The following MARCKS variants were observed in gnomAD, a reference collection of about 807,000 sequenced individuals.
The protein encoded by MARCKS is myristoylated alanine rich protein kinase C substrate.
MARCKS carries 4 observed loss-of-function variants against 6.3 expected under a neutral mutation model. The ratio of observed to expected loss-of-function variants is 0.63; its 90% CI spans 0.31 to 1.45. MARCKS has a LOEUF of 1.45. Ranked by LOEUF, MARCKS falls within the 40% of genes most tolerant of loss-of-function variation. MARCKS has a pLI of 0.07. For missense variants in MARCKS, 636 were observed against 485.7 expected, an observed-to-expected ratio of 1.31 and a Z score of -2.91; for synonymous variants, 289 against 236.5, an observed-to-expected ratio of 1.22 and a Z score of -2.04.
intron 1 of MARCKS, 142 bp from the exon 2 acceptor site, chr6:113,859,540 TC>T: frequency 1.5e-6 from 1 of 659,608 alleles, no homozygotes; most frequent in Non-Finnish European, 2.2e-6. Flanking sequence ...CACCCGCGCC[TC>T]CCTCCCCACA....
In MARCKS at chr6:113,860,183, T is replaced by C; in HGVS notation, c.603T>C (p.Ala201=). ...AGGACGAGGCCGCCGGGGGCGCAGC[T>C]GCGGCCGCCGCCGAGGCGGGCGCGG... ...GGKDEAAGGA[A]AAAAEAGAAS... The change falls in exon 2 of 2, where the codon GCT becomes GCC. Residue 201 remains alanine (A), a synonymous_variant. Coordinates refer to ENST00000612661, the MANE Select transcript of MARCKS (RefSeq NM_002356.7). 8.2e-7 allele frequency: 1 copy of C among 1,214,924 alleles called. No homozygotes were observed. Among genetic ancestry groups the C allele is most frequent in the Non-Finnish European group, 1.0e-6 (1 of 968,518 alleles). 75.3% of individuals were successfully genotyped at this position (1,214,924 alleles called of 1,614,324 possible). A position where few individuals can be genotyped will look rare whatever the true frequency, so the allele number is the denominator to read the frequency against.
In MARCKS at chr6:113,863,450, A is replaced by G. The variant is rs974893130; in HGVS notation, c.*2871A>G. ...ATCCAATTCCTATTGCTTGTAAAAT[A>G]AAGTTTTACCAGTTGATATAATCAA... On this transcript the variant is annotated 3_prime_UTR_variant, in exon 2 of 2. Coordinates refer to ENST00000612661, the MANE Select transcript of MARCKS (RefSeq NM_002356.7). 4 of 152,186 alleles carry G rather than the reference A, an allele frequency of 2.6e-5. No homozygotes were observed. Among genetic ancestry groups the G allele is most frequent in the Non-Finnish European group, 5.9e-5 (4 of 68,006 alleles). The allele number at this position is 152,186 out of a possible 1,614,324, so 9.4% of individuals were successfully genotyped here. A position where few individuals can be genotyped will look rare whatever the true frequency, so the allele number is the denominator to read the frequency against.
Position 113,860,209 on chromosome 6 carries a change from C to T in MARCKS, c.629C>T (p.Ala210Val). The change falls in exon 2 of 2, where the codon GCC becomes GTC. Residue 210 changes from alanine (A) to valine (V), a missense_variant. By Grantham distance (64) the Ala-to-Val change is moderately conservative. Transcript: ENST00000612661. ...GCGGCCGCCGCCGAGGCGGGCGCGG[C>T]CTCCGGGGAGCAGGCAGCGGCGCCG... ...AAAAAAEAGAASGEQAAAPGE... is the reference protein window; with the variant it reads ...AAAAAAEAGAVSGEQAAAPGE... The T allele has an allele frequency of 9.0e-7, 1 of 1,111,642 alleles. No individual in the cohort carries two copies. Among genetic ancestry groups the T allele is most frequent in the Non-Finnish European group, 1.1e-6 (1 of 907,074 alleles). 68.9% of individuals were successfully genotyped at this position (1,111,642 alleles called of 1,614,324 possible). A position where few individuals can be genotyped will look rare whatever the true frequency, so the allele number is the denominator to read the frequency against.
chr6:113,857,365 G>C lies in MARCKS; in HGVS notation c.-381G>C, dbSNP rs1200484566. Reference sequence around the variant, plus strand: ...TCTGTGCACTTGGGCGTTGGACCCCGCATCTTATTAGCAACCAGGGAGATT... The same window carrying C: ...TCTGTGCACTTGGGCGTTGGACCCCCCATCTTATTAGCAACCAGGGAGATT... On this transcript the variant is annotated 5_prime_UTR_variant, in exon 1 of 2. Coordinates refer to ENST00000612661, the MANE Select transcript of MARCKS (RefSeq NM_002356.7). 4.8e-5 allele frequency: 10 copies of C among 207,234 alleles called. No homozygotes were observed. Among genetic ancestry groups the C allele is most frequent in the Non-Finnish European group, 8.8e-5 (9 of 102,438 alleles). The allele number at this position is 207,234 out of a possible 1,614,324, so 12.8% of individuals were successfully genotyped here. A position where few individuals can be genotyped will look rare whatever the true frequency, so the allele number is the denominator to read the frequency against.
Position 113,860,489 on chromosome 6 carries a change from C to A in MARCKS, c.909C>A (p.Ala303=). 1 of 1,497,858 alleles carries A rather than the reference C, an allele frequency of 6.7e-7. No individual in the cohort carries two copies. The highest frequency in any genetic ancestry group is 8.9e-7 in the Non-Finnish European group (1 of 1,121,380). 92.8% of individuals were successfully genotyped at this position (1,497,858 alleles called of 1,614,324 possible). Residue 303 remains alanine (A), a synonymous_variant, in exon 2 of 2, where the codon GCC becomes GCA. Transcript: ENST00000612661. ...QEAAPAEEPA[A]AAASSACAAP... ...CAGCCCCCGCGGAGGAGCCCGCGGC[C>A]GCCGCAGCCTCGTCAGCCTGCGCAG...
In MARCKS at chr6:113,859,834, C is replaced by A; in HGVS notation, c.254C>A (p.Ala85Asp). 7.7e-7 allele frequency: 1 copy of A among 1,291,244 alleles called. No individual in the cohort carries two copies. Among genetic ancestry groups the A allele is most frequent in the Non-Finnish European group, 9.8e-7 (1 of 1,021,614 alleles). 80.0% of individuals were successfully genotyped at this position (1,291,244 alleles called of 1,614,324 possible). A position where few individuals can be genotyped will look rare whatever the true frequency, so the allele number is the denominator to read the frequency against. The change falls in exon 2 of 2, where the codon GCC (alanine) becomes GAC (aspartate). Residue 85 changes from alanine (A) to aspartate (D), a missense_variant. Coordinates refer to ENST00000612661, the MANE Select transcript of MARCKS (RefSeq NM_002356.7). ...AGSGAASPSAAEKGEPAAAAA... is the reference protein window; with the variant it reads ...AGSGAASPSADEKGEPAAAAA... ...AGCGGGGCGGCGTCGCCCTCCGCGG[C>A]CGAGAAAGGTGAGCCGGCCGCCGCC... is the stretch of plus-strand genomic sequence containing the variant.
In MARCKS at chr6:113,857,657, C is replaced by A; in HGVS notation, c.-89C>A. 1.4e-6 allele frequency: 1 copy of A among 734,204 alleles called. No individual in the cohort carries two copies. The highest frequency in any genetic ancestry group is 2.0e-6 in the Non-Finnish European group (1 of 497,104). The allele number at this position is 734,204 out of a possible 1,614,324, so 45.5% of individuals were successfully genotyped here. A position where few individuals can be genotyped will look rare whatever the true frequency, so the allele number is the denominator to read the frequency against. On this transcript the variant is annotated 5_prime_UTR_variant, in exon 1 of 2. In the 5' UTR this introduces an upstream ATG that the reference lacks. Transcript: ENST00000612661. ...GCTGCCGCTGTTGCCGCCGCCGCTG[C>A]TGCTGCTGCTCGCCCCGTCGTTACA...
chr6:113,858,842 G>C (rs1480699087), intron 1 of MARCKS, among the ~76,000 whole-genome samples: 2 of 152,274 alleles, frequency 1.3e-5, no homozygotes, highest in Non-Finnish European at 2.9e-5. Context: ...GCGCGCCCAG[G>C]CTTCGCAGAA....
rs149796810 is a variant in MARCKS, at chr6:113,860,555, C to T, written c.975C>T (p.Ala325=). Residue 325 remains alanine, a synonymous_variant, in exon 2 of 2, where the codon GCC becomes GCT. Coordinates refer to ENST00000612661, the MANE Select transcript of MARCKS (RefSeq NM_002356.7). The part of the protein sequence containing the change: ...QEAQPECSPE[A]PPAEAAE ...CCCAGCCCGAGTGCAGTCCAGAAGC[C>T]CCCCCAGCGGAGGCGGCAGAGTAAA... The T allele has an allele frequency of 6.0e-5, 94 of 1,559,198 alleles. No individual in the cohort carries two copies. Among genetic ancestry groups the T allele is most frequent in the East Asian group, 5.8e-4 (22 of 37,842 alleles).
In MARCKS at chr6:113,859,940, G is replaced by A. The variant is rs766256270; in HGVS notation, c.360G>A (p.Thr120=). The change falls in exon 2 of 2, where the codon ACG becomes ACA. Residue 120 remains threonine, a synonymous_variant. Transcript: ENST00000612661. ...EGEAAEPGSP[T]AAEGEAASAA... ...AGGCTGCCGAGCCCGGCTCGCCCAC[G>A]GCCGCGGAGGGAGAGGCCGCGTCGG... 2.1e-5 allele frequency: 31 copies of A among 1,482,976 alleles called. No homozygotes were observed. Among genetic ancestry groups the A allele is most frequent in the Non-Finnish European group, 2.8e-5 (31 of 1,121,696 alleles). The allele number at this position is 1,482,976 out of a possible 1,614,324, so 91.9% of individuals were successfully genotyped here.
In MARCKS at chr6:113,859,781, C is replaced by G; in HGVS notation, c.201C>G (p.Ala67=). 1.4e-6 allele frequency: 2 copies of G among 1,440,950 alleles called. No homozygotes were observed. The highest frequency in any genetic ancestry group is 1.4e-5 in the South Asian group (1 of 72,030). The allele number at this position is 1,440,950 out of a possible 1,614,324, so 89.3% of individuals were successfully genotyped here. A position where few individuals can be genotyped will look rare whatever the true frequency, so the allele number is the denominator to read the frequency against. Residue 67 remains alanine (A), a synonymous_variant, in exon 2 of 2, where the codon GCC becomes GCG. Transcript: ENST00000612661. Reference sequence around the variant, plus strand: ...AGGCCAACGGCAGCGCCCCGGCCGCCGACAAGGAGGAGCCCGCGGCCGCCG... The same window carrying G: ...AGGCCAACGGCAGCGCCCCGGCCGCGGACAAGGAGGAGCCCGCGGCCGCCG... ...ELQANGSAPA[A]DKEEPAAAGS...
intron 1 of MARCKS, 30 bp downstream of exon 1, chr6:113,857,877 A>AT (rs1275431121): frequency 6.5e-7 from 1 of 1,540,648 alleles, no homozygotes; most frequent in East Asian, 2.4e-5. Context: ...GTGGTCATTT[A>AT]TTTCGTGTCT....
chr6:113,859,548 C>G (rs1157209363), intron 1 of MARCKS, 135 bp from the exon 2 acceptor site: 2 of 748,660 alleles, frequency 2.7e-6, no homozygotes, highest in African/African-American at 1.9e-5. Flanking sequence ...CCTCCCTCCC[C>G]ACAACGGCGG....
Position 113,859,671 on chromosome 6 carries a change from T to C in MARCKS, c.103-12T>C. On this transcript the variant is annotated splice_polypyrimidine_tract_variant and intron_variant, in intron 1 of 1. Coordinates refer to ENST00000612661, the MANE Select transcript of MARCKS (RefSeq NM_002356.7). ...CCGCTTCAGTGACGCTCCCGCTTTC[T>C]CTGCCCCTTAGGAGAATGGCCACGT... 1 of 1,484,466 alleles carries C rather than the reference T, an allele frequency of 6.7e-7. No individual in the cohort carries two copies. Among genetic ancestry groups the C allele is most frequent in the Non-Finnish European group, 8.9e-7 (1 of 1,117,578 alleles). The allele number at this position is 1,484,466 out of a possible 1,614,324, so 92.0% of individuals were successfully genotyped here.
intron 1 of MARCKS, among the ~76,000 whole-genome samples, chr6:113,858,148 C>T (rs551198351): frequency 4.6e-5 from 7 of 152,152 alleles, no homozygotes; most frequent in South Asian, 4.2e-4. Context: ...CCTTCCCCCG[C>T]CCCCAGCCAG....
chr6:113,858,453 G>A (rs1774822071), intron 1 of MARCKS, among the ~76,000 whole-genome samples: 1 of 152,208 alleles, frequency 6.6e-6, no homozygotes, highest in South Asian at 2.1e-4. Flanking sequence ...ATCTTTATTC[G>A]TAGCTGTCTG....
Position 113,860,544 on chromosome 6 carries a change from A to C in MARCKS, c.964A>C (p.Ser322Arg). 1.3e-6 allele frequency: 2 copies of C among 1,558,716 alleles called. No homozygotes were observed. Among genetic ancestry groups the C allele is most frequent in the South Asian group, 1.2e-5 (1 of 86,574 alleles). ...CTCACAGGAGGCCCAGCCCGAGTGC[A>C]GTCCAGAAGCCCCCCCAGCGGAGGC... Reference protein sequence around the residue: ...APSQEAQPECSPEAPPAEAAE With the variant: ...APSQEAQPECRPEAPPAEAAE Residue 322 changes from serine to arginine, a missense_variant, in exon 2 of 2, where the codon AGT becomes CGT. Ser to Arg is a moderately radical substitution (Grantham distance 110, BLOSUM62 -1). Transcript: ENST00000612661.
chr6:113,860,559 C>T lies in MARCKS; in HGVS notation c.979C>T (p.Pro327Ser). Reference sequence around the variant, plus strand: ...GCCCGAGTGCAGTCCAGAAGCCCCCCCAGCGGAGGCGGCAGAGTAAAAGAG... The same window carrying T: ...GCCCGAGTGCAGTCCAGAAGCCCCCTCAGCGGAGGCGGCAGAGTAAAAGAG... ...AQPECSPEAP[P>S]AEAAE The change falls in exon 2 of 2, where the codon CCA (proline) becomes TCA (serine). Residue 327 changes from proline to serine, a missense_variant. Transcript: ENST00000612661. 6.4e-7 allele frequency: 1 copy of T among 1,558,196 alleles called. No homozygotes were observed. Among genetic ancestry groups the T allele is most frequent in the Non-Finnish European group, 8.6e-7 (1 of 1,156,874 alleles).
Position 113,860,343 on chromosome 6 carries a change from AC to A in MARCKS, c.765del (p.Lys256ArgfsTer113). ...APEKPPASDE[T>X]KAAEEPSKVE... ...AGAGAAGCCGCCCGCCAGCGACGAG[AC>A]CAAGGCCGCCGAGGAGCCCAGCAAG... On this transcript the variant is annotated frameshift_variant, in exon 2 of 2. Coordinates refer to ENST00000612661, the MANE Select transcript of MARCKS (RefSeq NM_002356.7). LOFTEE classifies it low-confidence loss of function (END_TRUNC). The A allele has an allele frequency of 1.5e-6, 2 of 1,305,122 alleles. No individual in the cohort carries two copies. The highest frequency in any genetic ancestry group is 2.0e-6 in the Non-Finnish European group (2 of 1,001,590). The allele number at this position is 1,305,122 out of a possible 1,614,324, so 80.8% of individuals were successfully genotyped here. A position where few individuals can be genotyped will look rare whatever the true frequency, so the allele number is the denominator to read the frequency against.
Sources: allele counts gnomAD v4.1 joint callset (sites outside exome capture counted in the v4.1 genomes callset), GRCh38; gene constraint gnomAD v4.1.1; transcripts MANE v1.5; gene names NCBI Gene and HGNC (gene_info 2026-07-23, HGNC 2026-07-21).